Variants in COPS7B observed in about 807,000 individuals in gnomAD.
COPS7B encodes the protein COP9 signalosome complex subunit 7b.
In COPS7B, 9 loss-of-function variants were observed where a neutral mutation model predicts 33.4. The ratio of observed to expected loss-of-function variants is 0.27; its 90% CI spans 0.16 to 0.47. The LOEUF (loss-of-function observed/expected upper bound fraction) is 0.47. Ranked by LOEUF, COPS7B falls within the 20% of genes least tolerant of loss-of-function variation. The pLI is 0.99. For synonymous variants in COPS7B, 119 were observed against 126.3 expected (o/e 0.94, Z 0.39); for missense variants, 242 against 318.2 (o/e 0.76, Z 1.82).
At chr2:231,785,017 C>T (rs926756831), upstream of COPS7B, among the ~76,000 whole-genome samples, 4 of 152,190 alleles carry the variant, frequency 2.6e-5, no homozygotes, top group African/African-American at 9.7e-5. Flanking sequence ...TGCCATGTGG[C>T]CCAGGCCGGT....
chr2:231,786,349 C>G (rs2049239777), upstream of COPS7B: 2 of 749,754 alleles, frequency 2.7e-6, no homozygotes, highest in Non-Finnish European at 3.3e-6. Flanking sequence ...GTAAACGCGG[C>G]GGGTGGAACC....
At chr2:231,787,386 T>C (rs1368314123) in intron 1 of COPS7B, among the ~76,000 whole-genome samples, 2 of 152,208 alleles carry the variant, frequency 1.3e-5, no homozygotes, top group African/African-American at 4.8e-5. Flanking sequence ...TATACCGTTT[T>C]TCGTTCATTT....
At chr2:231,807,410 G>A in intron 6 of COPS7B, 77 bp from the exon 7 acceptor site, 1 of 1,366,208 alleles carries the variant, frequency 7.3e-7, no homozygotes, top group Non-Finnish European at 9.9e-7. Context: ...CTTCCTGTCT[G>A]AAGTGAAGAC....
intron 2 of COPS7B, 139 bp downstream of exon 2, chr2:231,788,871 G>A (rs974146918): frequency 2.4e-5 from 17 of 695,384 alleles, no homozygotes; most frequent in Non-Finnish European, 4.0e-5. Flanking sequence ...TGGGGCAGAG[G>A]GAGAGATTGA....
intron 6 of COPS7B, among the ~76,000 whole-genome samples, chr2:231,806,565 A>T (rs1018829913): frequency 4.6e-5 from 7 of 151,846 alleles, no homozygotes; most frequent in African/African-American, 1.5e-4. Flanking sequence ...AAAAAAAAAA[A>T]AAAAAAGACT....
chr2:231,806,366 G>A (rs989925752), intron 6 of COPS7B, among the ~76,000 whole-genome samples: 3 of 152,034 alleles, frequency 2.0e-5, no homozygotes, highest in Non-Finnish European at 2.9e-5. Context: ...CCTGGACAAC[G>A]TGGTGAAACC....
intron 1 of COPS7B, among the ~76,000 whole-genome samples, chr2:231,787,028 T>C (rs2049268470): frequency 6.6e-6 from 1 of 152,102 alleles, no homozygotes; most frequent in Non-Finnish European, 1.5e-5. Flanking sequence ...ATTGGGACTC[T>C]TTGCAGAGAT....
intron 3 of COPS7B, chr2:231,794,036 T>C (rs1470156430): frequency 3.9e-6 from 2 of 509,584 alleles, no homozygotes; most frequent in Non-Finnish European, 7.0e-6. Flanking sequence ...TTTTGCTTGT[T>C]TGCTTTTTAG....
upstream of COPS7B, chr2:231,781,884 G>C (rs1229106576): frequency 6.4e-7 from 1 of 1,550,426 alleles, no homozygotes. Flanking sequence ...GCAAATCATG[G>C]TAAGGCTGCA....
At chr2:231,791,458 TTGTA>T (rs2049413436) in intron 2 of COPS7B, 3 of 427,450 alleles carry the variant, frequency 7.0e-6, no homozygotes, top group Non-Finnish European at 8.5e-6. Context: ...GCTTAATGCT[TTGTA>T]TGTGTGTGTG....
At chr2:231,803,745 A>C (rs1332885411) in intron 6 of COPS7B, among the ~76,000 whole-genome samples, 1 of 152,224 alleles carries the variant, frequency 6.6e-6, no homozygotes, top group Non-Finnish European at 1.5e-5. Context: ...CCCTTCTGTG[A>C]CTGCAGAAGG....
chr2:231,785,028 C>T (rs1574647332), upstream of COPS7B, among the ~76,000 whole-genome samples: 1 of 152,238 alleles, frequency 6.6e-6, no homozygotes, highest in East Asian at 1.9e-4. Flanking sequence ...CCAGGCCGGT[C>T]TCGAACTCCT....
At chr2:231,786,587 C>T in intron 1 of COPS7B, 49 bp downstream of exon 1, 4 of 901,944 alleles carry the variant, frequency 4.4e-6, no homozygotes, top group Non-Finnish European at 5.3e-6. Flanking sequence ...GCTCCAGGCT[C>T]GGCCAGACGA....
At chr2:231,801,213 T>C in intron 6 of COPS7B, 1 of 1,550,516 alleles carries the variant, frequency 6.4e-7, no homozygotes, top group South Asian at 1.2e-5. Context: ...TTCTGGTGAG[T>C]TGTAGCTTTA....
intron 6 of COPS7B, among the ~76,000 whole-genome samples, chr2:231,806,646 C>G (rs949471626): frequency 3.3e-5 from 5 of 152,088 alleles, no homozygotes; most frequent in Non-Finnish European, 7.4e-5. Flanking sequence ...CTGTTTCTTC[C>G]TCTCAACGAA....
upstream of COPS7B, among the ~76,000 whole-genome samples, chr2:231,785,384 A>T (rs1413027442): frequency 6.6e-6 from 1 of 152,124 alleles, no homozygotes; most frequent in Non-Finnish European, 1.5e-5. Flanking sequence ...TCTTTTTGAC[A>T]TCAGTATATG....
intron 5 of COPS7B, 125 bp downstream of exon 5, chr2:231,796,433 A>T: frequency 1.3e-6 from 1 of 747,704 alleles, no homozygotes; most frequent in South Asian, 1.7e-5. Context: ...GCTGGGGCTT[A>T]GTGAGCCGGA....
At chr2:231,803,536 C>T (rs1321549376) in intron 6 of COPS7B, among the ~76,000 whole-genome samples, 2 of 152,162 alleles carry the variant, frequency 1.3e-5, no homozygotes, top group African/African-American at 4.8e-5. Flanking sequence ...GCAGTTTCTA[C>T]AGGAGAAAAT....
At chr2:231,792,885 C>T (rs918494647) in intron 3 of COPS7B, among the ~76,000 whole-genome samples, 7 of 152,164 alleles carry the variant, frequency 4.6e-5, no homozygotes, top group African/African-American at 1.7e-4. Context: ...TCCCTGACTT[C>T]TTCTTTCTCC....
Sources: allele counts gnomAD v4.1 joint callset (sites outside exome capture counted in the v4.1 genomes callset), GRCh38; gene constraint gnomAD v4.1.1; transcripts MANE v1.5; gene names NCBI Gene and HGNC (gene_info 2026-07-23, HGNC 2026-07-21).